Variants in CSMD1 observed in about 807,000 individuals in gnomAD.
CSMD1 encodes the protein CUB and Sushi multiple domains 1.
A neutral mutation model predicts 417.5 loss-of-function variants in CSMD1; 213 were observed. The ratio of observed to expected loss-of-function variants is 0.51; its 90% CI spans 0.46 to 0.57. CSMD1 has a LOEUF of 0.57. CSMD1 is among the 20% of genes least tolerant of loss of function. The pLI is 0.00. For synonymous variants in CSMD1, 2,862 were observed against 1,736.8 expected (o/e 1.65, Z -16.11); for missense variants, 6,923 against 4,529.7 (o/e 1.53, Z -15.17).
chr8:3,836,511 A>G (rs1342546238), intron 5 of CSMD1, among the ~76,000 whole-genome samples: 1 of 152,170 alleles, frequency 6.6e-6, no homozygotes, highest in Non-Finnish European at 1.5e-5. Context: ...ATTTTAAGCC[A>G]CATCTTACCC....
intron 2 of CSMD1, among the ~76,000 whole-genome samples, chr8:4,464,907 C>G (rs1303007886): frequency 6.6e-6 from 1 of 152,118 alleles, no homozygotes; most frequent in Non-Finnish European, 1.5e-5. Context: ...TTATTAGCCT[C>G]TCCATTGGGG....
Position 4,359,469 on chromosome 8 carries a change from A to G in CSMD1, c.415+60484T>C, listed in dbSNP as rs568047496. ...TTTAAAGCTAAGCCATTCTTTAAAA[A>G]CAAGATTGAATCCTTCCTCTTTGTC... On this transcript the variant is annotated intron_variant, in intron 3 of 69. Transcript: ENST00000635120. Among the ~76,000 whole-genome samples the G allele has an allele frequency of 3.3e-5, 5 of 152,332 alleles. No individual in the cohort carries two copies. The East Asian group carries it at 9.7e-4, about 29-fold the overall frequency.
intron 5 of CSMD1, among the ~76,000 whole-genome samples, chr8:3,760,403 G>A (rs1035526859): frequency 2.0e-5 from 3 of 152,150 alleles, no homozygotes; most frequent in African/African-American, 4.8e-5. Context: ...TTACAGTTAC[G>A]ACGACCTCCT....
intron 10 of CSMD1, among the ~76,000 whole-genome samples, chr8:3,545,406 G>A (rs1282007905): frequency 6.6e-6 from 1 of 152,168 alleles, no homozygotes; most frequent in Non-Finnish European, 1.5e-5. Context: ...CCATTGTGAT[G>A]TCTGATGGTC....
intron 1 of CSMD1, among the ~76,000 whole-genome samples, chr8:4,910,942 C>A (rs562163168): frequency 1.6e-3 from 237 of 152,266 alleles, no homozygotes; most frequent in African/African-American, 5.5e-3. Flanking sequence ...CTCTCCCATG[C>A]TGTTCTCACC....
rs117950937 is a variant in CSMD1 at position 4,197,200 on chromosome 8, T to C, written c.416-165101A>G. On this transcript the variant is annotated intron_variant, in intron 3 of 69. Transcript: ENST00000635120. ...AATGTGTATAAAAGTCCTAGCATTT[T>C]CCAGTAAGAGCATCATGAATTCTGA... 1.6e-4 allele frequency among the ~76,000 whole-genome samples: 24 copies of C among 152,318 alleles called. 1 individual carries two copies. The East Asian group carries it at 4.1e-3, about 26-fold the overall frequency.
Position 3,344,810 on chromosome 8 carries a change from G to C in CSMD1, c.3475-1360C>G, listed in dbSNP as rs138794657. On this transcript the variant is annotated intron_variant, in intron 22 of 69. Transcript: ENST00000635120. ...CTCAGAAAAGGAGAAAATACATTTAGAAAAGATAATTTTGTGGGTAGTTAT... is the reference window on the plus strand; with the variant it reads ...CTCAGAAAAGGAGAAAATACATTTACAAAAGATAATTTTGTGGGTAGTTAT... 5.5e-3 allele frequency among the ~76,000 whole-genome samples: 842 copies of C among 152,284 alleles called. 5 individuals are homozygous for C. The highest frequency in any genetic ancestry group is 9.3e-3 in the Non-Finnish European group (630 of 68,024).
chr8:3,705,411 CT>C (rs1412295170), intron 7 of CSMD1, among the ~76,000 whole-genome samples: 6 of 152,200 alleles, frequency 3.9e-5, no homozygotes, highest in Admixed American at 1.3e-4. Context: ...GTGTCCACCC[CT>C]GTCTGGCTTT....
chr8:4,977,813 A>G (rs1216572711), intron 1 of CSMD1, among the ~76,000 whole-genome samples: 1 of 152,246 alleles, frequency 6.6e-6, no homozygotes. Flanking sequence ...CAGCGCTTTT[A>G]CTGAATAAGT....
intron 3 of CSMD1, among the ~76,000 whole-genome samples, chr8:4,203,903 C>T (rs920281893): frequency 1.1e-4 from 16 of 152,054 alleles, no homozygotes; most frequent in African/African-American, 3.9e-4. Flanking sequence ...GAGTTTGAGG[C>T]CAGCCTGGGA....
At chr8:4,028,978 G>A (rs1585162779) in intron 4 of CSMD1, among the ~76,000 whole-genome samples, 1 of 152,182 alleles carries the variant, frequency 6.6e-6, no homozygotes, top group Non-Finnish European at 1.5e-5. Flanking sequence ...TGCAGGTAAA[G>A]GAATTCTCAT....
chr8:4,043,941 T>A (rs559257127), intron 3 of CSMD1, among the ~76,000 whole-genome samples: 1 of 152,150 alleles, frequency 6.6e-6, no homozygotes, highest in South Asian at 2.1e-4. Context: ...CACCACACCA[T>A]ATTGTCCCAA....
intron 6 of CSMD1, among the ~76,000 whole-genome samples, chr8:3,734,995 G>A (rs1796455935): frequency 6.6e-6 from 1 of 152,218 alleles, no homozygotes; most frequent in African/African-American, 2.4e-5. Flanking sequence ...CCTGTGGTGT[G>A]CAAAGAGAGG....
intron 3 of CSMD1, among the ~76,000 whole-genome samples, chr8:4,376,538 A>G (rs1327759543): frequency 1.3e-5 from 2 of 152,172 alleles, no homozygotes; most frequent in African/African-American, 4.8e-5. Context: ...TCAATTTTTA[A>G]TTTAATTTTA....
At chr8:4,394,131 T>C (rs959036422) in intron 3 of CSMD1, among the ~76,000 whole-genome samples, 3 of 152,208 alleles carry the variant, frequency 2.0e-5, no homozygotes, top group African/African-American at 4.8e-5. Context: ...ATCTTCTAAG[T>C]ATTATTATTG....
chr8:3,433,208 A>G (rs1473164231), intron 12 of CSMD1, among the ~76,000 whole-genome samples: 1 of 152,212 alleles, frequency 6.6e-6, no homozygotes, highest in Admixed American at 6.5e-5. Flanking sequence ...ACTTTTGTGG[A>G]ACTACAGTTG....
chr8:3,881,390 C>T (rs1163213377), intron 5 of CSMD1, among the ~76,000 whole-genome samples: 1 of 151,130 alleles, frequency 6.6e-6, no homozygotes, highest in African/African-American at 2.4e-5. Flanking sequence ...AATCCCAGCA[C>T]TTTGGGAGGC....
At chr8:3,706,253 T>G (rs1194120521) in intron 7 of CSMD1, among the ~76,000 whole-genome samples, 1 of 152,266 alleles carries the variant, frequency 6.6e-6, no homozygotes, top group Non-Finnish European at 1.5e-5. Context: ...AAAGGATTAC[T>G]ATTTTATTAA....
intron 3 of CSMD1, among the ~76,000 whole-genome samples, chr8:4,207,599 C>A (rs560320737): frequency 6.6e-6 from 1 of 152,004 alleles, no homozygotes; most frequent in African/African-American, 2.4e-5. Context: ...GTTTAATATT[C>A]AATTCAGTAA....
Sources: allele counts gnomAD v4.1 joint callset (sites outside exome capture counted in the v4.1 genomes callset), GRCh38; gene constraint gnomAD v4.1.1; transcripts MANE v1.5; gene names NCBI Gene and HGNC (gene_info 2026-07-23, HGNC 2026-07-21).